Variants in SLC25A20 observed in about 807,000 individuals in gnomAD.
SLC25A20 encodes solute carrier family 25 member 20.
A neutral mutation model predicts 39.7 loss-of-function variants in SLC25A20; 29 were observed. The observed-to-expected ratio is 0.73, with a 90% CI of 0.54 to 1.00. The LOEUF is 1.00. Among genes scored for constraint, SLC25A20 ranks in the 50% least tolerant of loss-of-function variants. SLC25A20 has a pLI of 0.00. For missense variants in SLC25A20, 333 were observed against 379.9 expected (o/e 0.88, Z 1.03); for synonymous variants, 103 against 142.2 (o/e 0.72, Z 1.96).
intron 1 of SLC25A20, among the ~76,000 whole-genome samples, chr3:48,897,907 A>T (rs1459135628): frequency 6.6e-6 from 1 of 152,184 alleles, no homozygotes; most frequent in Non-Finnish European, 1.5e-5. Flanking sequence ...TGGGGGATGG[A>T]CTTTGGTCCC....
At chr3:48,877,679 A>C (rs753268889) in intron 4 of SLC25A20, among the ~76,000 whole-genome samples, 26 of 151,866 alleles carry the variant, frequency 1.7e-4, no homozygotes, top group Non-Finnish European at 3.1e-4. Flanking sequence ...CAATAATCTG[A>C]GATCATGCCA....
intron 4 of SLC25A20, among the ~76,000 whole-genome samples, chr3:48,878,247 G>A (rs1056465865): frequency 3.3e-4 from 45 of 136,828 alleles, no homozygotes; most frequent in Non-Finnish European, 5.8e-4. Context: ...GCGACAGAGC[G>A]AGACTCCATC....
At chr3:48,883,048 A>T (rs2083805545) in intron 3 of SLC25A20, among the ~76,000 whole-genome samples, 1 of 147,930 alleles carries the variant, frequency 6.8e-6, no homozygotes, top group Non-Finnish European at 1.5e-5. Context: ...AAAAAAAATT[A>T]GCCGGGCGTG....
chr3:48,870,814 ATTT>A (rs71077745), intron 4 of SLC25A20, among the ~76,000 whole-genome samples: 18 of 109,808 alleles, frequency 1.6e-4, no homozygotes, highest in Admixed American at 4.0e-4. Flanking sequence ...CAGGAATCAG[ATTT>A]TTTTTTTTTT....
At chr3:48,869,397 C>T (rs1158283552) in intron 4 of SLC25A20, among the ~76,000 whole-genome samples, 1 of 152,062 alleles carries the variant, frequency 6.6e-6, no homozygotes, top group Non-Finnish European at 1.5e-5. Context: ...CCTGTACTCC[C>T]AGCACTTTGG....
intron 2 of SLC25A20, among the ~76,000 whole-genome samples, chr3:48,889,664 G>A (rs2083858921): frequency 6.6e-6 from 1 of 151,980 alleles, no homozygotes; most frequent in Non-Finnish European, 1.5e-5. Flanking sequence ...TCACTGCAGT[G>A]TGGGCAAAGG....
intron 8 of SLC25A20, 52 bp downstream of exon 8, chr3:48,858,455 T>G: frequency 6.2e-7 from 1 of 1,613,130 alleles, no homozygotes; most frequent in Non-Finnish European, 8.5e-7. Flanking sequence ...TCAAACCACA[T>G]GCACCCTGCC....
chr3:48,867,899 A>G (rs953652507), intron 4 of SLC25A20, among the ~76,000 whole-genome samples: 1 of 151,748 alleles, frequency 6.6e-6, no homozygotes, highest in Admixed American at 6.6e-5. Flanking sequence ...CGTCTCTACT[A>G]AAAATACAAA....
rs530209181 is a variant in SLC25A20 at position 48,867,335 on chromosome 3, TC to T, written c.418-4677del. On this transcript the variant is annotated intron_variant, in intron 4 of 8. Coordinates refer to ENST00000319017, the MANE Select transcript of SLC25A20 (RefSeq NM_000387.6). ...ATCTCGGTTCACCACAACCTCTGCC[TC>T]CCGGATTCAAGTGATTCTCCTGCCT... Among the ~76,000 whole-genome samples the T allele has an allele frequency of 2.8e-3, 426 of 151,358 alleles. 3 individuals carry two copies. The highest frequency in any genetic ancestry group is 9.6e-3 in the African/African-American group (396 of 41,282).
intron 8 of SLC25A20, 41 bp downstream of exon 8, chr3:48,858,466 C>T: frequency 6.2e-7 from 1 of 1,613,764 alleles, no homozygotes; most frequent in South Asian, 1.1e-5. Flanking sequence ...GCACCCTGCC[C>T]TGAGCCCCAG....
rs117147774 is a variant in SLC25A20 at position 48,869,853 on chromosome 3, C to T, written c.418-7194G>A. On this transcript the variant is annotated intron_variant, in intron 4 of 8. Transcript: ENST00000319017. ...AGAAAAGAAGCCAGGCATGGTGGCTCATACCTGTAATTCTAGCACTTGGGG... is the reference window on the plus strand; with the variant it reads ...AGAAAAGAAGCCAGGCATGGTGGCTTATACCTGTAATTCTAGCACTTGGGG... 8.4e-4 allele frequency among the ~76,000 whole-genome samples: 128 copies of T among 152,198 alleles called. 1 individual carries two copies. The East Asian group carries it at 0.023, about 27-fold the overall frequency.
chr3:48,859,093 A>T lies in SLC25A20; in HGVS notation c.717T>A (p.Thr239=). Residue 239 remains threonine, a splice_region_variant and synonymous_variant, in exon 7 of 9, where the codon ACT becomes ACA. Transcript: ENST00000319017. The part of the protein sequence containing the change: ...PPDVLKSRFQ[T]APPGKYPNGF... The stretch of plus-strand genomic sequence containing the variant: ...TCCACCCCACTACCTTCCACTCACC[A>T]GTCTGGAATCGAGACTTGAGCACAT... 1.2e-6 allele frequency: 2 copies of T among 1,612,604 alleles called. No individual in the cohort carries two copies. Among genetic ancestry groups the T allele is most frequent in the Non-Finnish European group, 1.7e-6 (2 of 1,178,766 alleles).
intron 4 of SLC25A20, among the ~76,000 whole-genome samples, chr3:48,863,817 C>G (rs1051549963): frequency 2.7e-5 from 4 of 149,092 alleles, no homozygotes; most frequent in African/African-American, 9.9e-5. Context: ...GAGTTTGAGA[C>G]CAGCCTGACC....
intron 4 of SLC25A20, among the ~76,000 whole-genome samples, chr3:48,867,658 A>G (rs77327047): frequency 1.4e-5 from 2 of 143,816 alleles, no homozygotes; most frequent in Non-Finnish European, 3.1e-5. Context: ...TGGCTGAGGG[A>G]AAAAAAAAAA....
At chr3:48,874,992 G>A (rs13080008) in intron 4 of SLC25A20, among the ~76,000 whole-genome samples, 1 of 150,068 alleles carries the variant, frequency 6.7e-6, no homozygotes, top group Admixed American at 6.7e-5. Flanking sequence ...AAACCAGGAG[G>A]CGGAGGTTGC....
chr3:48,890,061 ACT>A (rs989701649), intron 2 of SLC25A20, among the ~76,000 whole-genome samples: 3 of 152,030 alleles, frequency 2.0e-5, no homozygotes, highest in Admixed American at 1.3e-4. Context: ...GTCAGGGAAC[ACT>A]CTACTCCACC....
In SLC25A20 at chr3:48,857,638, G is replaced by T; in HGVS notation, c.*72C>A. 6.9e-7 allele frequency: 1 copy of T among 1,444,660 alleles called. No individual in the cohort carries two copies. Among genetic ancestry groups the T allele is most frequent in the Non-Finnish European group, 9.7e-7 (1 of 1,033,904 alleles). 89.5% of individuals were successfully genotyped at this position (1,444,660 alleles called of 1,614,324 possible). A position where few individuals can be genotyped will look rare whatever the true frequency, so the allele number is the denominator to read the frequency against. On this transcript the variant is annotated 3_prime_UTR_variant, in exon 9 of 9. Transcript: ENST00000319017. ...TCCCCTTGCCCTCCAAGACTGCTTAGTTCTGCTTACTACTCCTTCTCCTCA... is the reference window on the plus strand; with the variant it reads ...TCCCCTTGCCCTCCAAGACTGCTTATTTCTGCTTACTACTCCTTCTCCTCA...
intron 1 of SLC25A20, chr3:48,895,723 G>A (rs1390226467): frequency 2.2e-6 from 1 of 455,534 alleles, no homozygotes; most frequent in Non-Finnish European, 4.4e-6. Context: ...GGGTTTATGG[G>A]ACACAATAGA....
At chr3:48,859,742 C>T (rs1378630343) in intron 5 of SLC25A20, 115 bp from the exon 6 acceptor site, 17 of 838,716 alleles carry the variant, frequency 2.0e-5, no homozygotes, top group East Asian at 1.7e-4. Context: ...TTGCTTGAGG[C>T]CAGGAGGTCC....
Sources: allele counts gnomAD v4.1 joint callset (sites outside exome capture counted in the v4.1 genomes callset), GRCh38; gene constraint gnomAD v4.1.1; transcripts MANE v1.5; gene names NCBI Gene and HGNC (gene_info 2026-07-23, HGNC 2026-07-21).